The following OPA1 variants were observed in gnomAD, a reference collection of about 807,000 sequenced individuals.
The protein encoded by OPA1 is OPA1 mitochondrial dynamin like GTPase.
Under a neutral mutation model 152.9 loss-of-function variants are expected in OPA1, and 59 were observed. That is an observed-to-expected ratio of 0.39 (90% CI 0.31 to 0.48). The LOEUF is 0.48. OPA1 is among the 20% of genes least tolerant of loss of function. The probability of loss-of-function intolerance (pLI) is 0.96; values close to 1 mark genes in which losing one functional copy is unlikely to be tolerated. For missense variants in OPA1, 1,008 were observed against 1,216.8 expected (o/e 0.83, Z 2.55); for synonymous variants, 400 against 389.9 (o/e 1.03, Z -0.31).
chr3:193,610,297 TC>T (rs1246731769), intron 1 of OPA1, among the ~76,000 whole-genome samples: 1 of 152,164 alleles, frequency 6.6e-6, no homozygotes, highest in Non-Finnish European at 1.5e-5. Flanking sequence ...TTGCTGGAGG[TC>T]CACTCCAGAC....
intron 22 of OPA1, among the ~76,000 whole-genome samples, chr3:193,656,549 A>G (rs1314465123): frequency 1.3e-5 from 2 of 152,216 alleles, no homozygotes; most frequent in African/African-American, 4.8e-5. Flanking sequence ...ATCTTTGCTT[A>G]AAGACAAAGC....
chr3:193,617,968 T>G (rs1223388489), intron 5 of OPA1, 131 bp downstream of exon 5: 1 of 699,784 alleles, frequency 1.4e-6, no homozygotes, highest in Non-Finnish European at 2.6e-6. Context: ...AGAACTATAT[T>G]AGGCAAACTC....
chr3:193,637,124 CTT>C lies in OPA1; in HGVS notation c.949-70_949-69del, dbSNP rs968273747. The C allele has an allele frequency of 7.1e-5, 55 of 779,950 alleles. No homozygotes were observed. In the African/African-American group the frequency reaches 9.2e-4, roughly 13 times the overall value. The allele number at this position is 779,950 out of a possible 1,614,324, so 48.3% of individuals were successfully genotyped here. A position where few individuals can be genotyped will look rare whatever the true frequency, so the allele number is the denominator to read the frequency against. ...CAATTTGAATTTATCACTTTTTTCT[CTT>C]GACACATCTGTTATATTTTTTTCTT... On this transcript the variant is annotated intron_variant, in intron 9 of 30. Transcript: ENST00000361510.
chr3:193,680,060 C>T (rs2109388152), intron 29 of OPA1, among the ~76,000 whole-genome samples: 1 of 152,238 alleles, frequency 6.6e-6, no homozygotes, highest in East Asian at 1.9e-4. Context: ...ATGCTTTATC[C>T]TAATACACCA....
At chr3:193,619,975 G>T (rs1729750525) in intron 6 of OPA1, among the ~76,000 whole-genome samples, 1 of 151,958 alleles carries the variant, frequency 6.6e-6, no homozygotes, top group Non-Finnish European at 1.5e-5. Flanking sequence ...CAAAATGTAT[G>T]TACGTGTATT....
chr3:193,696,344 C>T lies in OPA1; in HGVS notation c.*1744C>T, dbSNP rs1479890797. 6.6e-6 allele frequency: 1 copy of T among 152,174 alleles called. No individual in the cohort carries two copies. The highest frequency in any genetic ancestry group is 1.5e-5 in the Non-Finnish European group (1 of 68,022). The allele number at this position is 152,174 out of a possible 1,614,324, so 9.4% of individuals were successfully genotyped here. A position where few individuals can be genotyped will look rare whatever the true frequency, so the allele number is the denominator to read the frequency against. ...TATTAGTCACTACTGTTATCACATC[C>T]CTTTGTATAAGTTTTAAAAAGAGAT... On this transcript the variant is annotated 3_prime_UTR_variant, in exon 31 of 31. Coordinates refer to ENST00000361510, the MANE Select transcript of OPA1 (RefSeq NM_130837.3).
At chr3:193,656,004 T>G (rs186226967) in intron 22 of OPA1, among the ~76,000 whole-genome samples, 1 of 152,300 alleles carries the variant, frequency 6.6e-6, no homozygotes, top group East Asian at 1.9e-4. Flanking sequence ...TCAAGCCCCT[T>G]TCTAAGAACT....
At chr3:193,668,092 A>G (rs1184526761) in intron 29 of OPA1, among the ~76,000 whole-genome samples, 1 of 152,188 alleles carries the variant, frequency 6.6e-6, no homozygotes, top group Admixed American at 6.5e-5. Context: ...TGTATTCCTA[A>G]ATCATGTGTA....
At chr3:193,596,378 T>TTCTTC in intron 1 of OPA1, among the ~76,000 whole-genome samples, 1 of 84,788 alleles carries the variant, frequency 1.2e-5, no homozygotes, top group Non-Finnish European at 2.3e-5. Context: ...TTCTTTTCTT[T>TTCTTC]TCTTTTCTTT....
chr3:193,685,561 G>C (rs1201762025), intron 29 of OPA1, among the ~76,000 whole-genome samples: 10 of 152,148 alleles, frequency 6.6e-5, no homozygotes, highest in African/African-American at 9.7e-5. Flanking sequence ...GCTGGGCCGA[G>C]TGATTTTAAA....
At chr3:193,613,760 T>C (rs1728608374) in intron 1 of OPA1, among the ~76,000 whole-genome samples, 2 of 152,074 alleles carry the variant, frequency 1.3e-5, no homozygotes, top group Non-Finnish European at 2.9e-5. Context: ...GTATTTTTAG[T>C]AGGGATGGGG....
At chr3:193,676,866 A>G (rs1463045065) in intron 29 of OPA1, among the ~76,000 whole-genome samples, 2 of 151,440 alleles carry the variant, frequency 1.3e-5, no homozygotes, top group Non-Finnish European at 2.9e-5. Context: ...CTGTAGTCCC[A>G]GCTGCTGGGG....
chr3:193,676,272 G>A (rs1577366940), intron 29 of OPA1, among the ~76,000 whole-genome samples: 1 of 151,984 alleles, frequency 6.6e-6, no homozygotes, highest in African/African-American at 2.4e-5. Context: ...AATAAATAAT[G>A]TATTTGTTTT....
chr3:193,676,812 C>G (rs892260364), intron 29 of OPA1, among the ~76,000 whole-genome samples: 1 of 152,022 alleles, frequency 6.6e-6, no homozygotes, highest in African/African-American at 2.4e-5. Context: ...AACCCCGTCT[C>G]TACTAAAAAT....
intron 21 of OPA1, among the ~76,000 whole-genome samples, chr3:193,653,188 G>A (rs987407919): frequency 2.0e-5 from 3 of 151,986 alleles, no homozygotes; most frequent in Non-Finnish European, 4.4e-5. Context: ...TGTCCTTTTG[G>A]GCCCCAGTCA....
chr3:193,668,825 C>G, intron 29 of OPA1: 1 of 1,138,218 alleles, frequency 8.8e-7, no homozygotes, highest in Non-Finnish European at 1.1e-6. Flanking sequence ...AGGTTCCTAG[C>G]TTTAAGATAG....
rs759794795 is a variant in OPA1 at position 193,644,015 on chromosome 3, G to C, written c.1518G>C (p.Leu506Phe). The C allele has an allele frequency of 1.2e-6, 2 of 1,613,466 alleles. No individual in the cohort carries two copies. Among genetic ancestry groups the C allele is most frequent in the Non-Finnish European group, 1.7e-6 (2 of 1,179,710 alleles). Residue 506 changes from leucine to phenylalanine, a missense_variant, in exon 16 of 31, where the codon TTG (leucine) becomes TTC (phenylalanine). Leu to Phe is a conservative substitution (Grantham distance 22). Transcript: ENST00000361510. ...VDAERSIVTD[L>F]VSQMDPHGRR... ...CTGAACGCAGTATTGTTACAGACTT[G>C]GTCAGTCAAATGGACCCTCATGGAA...
chr3:193,643,388 G>A lies in OPA1; in HGVS notation c.1321G>A (p.Val441Ile). The A allele has an allele frequency of 6.2e-7, 1 of 1,610,246 alleles. No homozygotes were observed. Residue 441 changes from valine to isoleucine, a missense_variant, in exon 14 of 31, where the codon GTA becomes ATA. Around this residue, in one of 7 missense-constraint regions of OPA1, gnomAD observed 213 missense variants for 291.4 expected, o/e 0.73. Transcript: ENST00000361510. ...TVSPETISLN[V>I]KGPGLQRMVL... ...TCCTGAGTAGACCATATCCTTAAAT[G>A]TAAAAGGCCCTGGACTACAGAGGAT...
intron 1 of OPA1, among the ~76,000 whole-genome samples, chr3:193,611,467 C>G (rs1451308031): frequency 1.3e-5 from 2 of 152,010 alleles, no homozygotes; most frequent in African/African-American, 4.8e-5. Context: ...CATGGTGGCA[C>G]ACGCCTGTAG....
Sources: allele counts gnomAD v4.1 joint callset (sites outside exome capture counted in the v4.1 genomes callset), GRCh38; gene constraint gnomAD v4.1.1; regional missense constraint gnomAD v4.1.1; transcripts MANE v1.5; gene names NCBI Gene and HGNC (gene_info 2026-07-23, HGNC 2026-07-21).